The following C12orf42 variants were observed in gnomAD, a reference collection of about 807,000 sequenced individuals.
C12orf42 encodes the protein chromosome 12 open reading frame 42.
C12orf42 carries 25 observed loss-of-function variants against 21.6 expected under a neutral mutation model. That is an observed-to-expected ratio of 1.16 (90% CI 0.84 to 1.62). C12orf42 has a LOEUF of 1.62. Ranked by LOEUF, C12orf42 falls within the 40% of genes most tolerant of loss-of-function variation. C12orf42 has a pLI of 0.00. For synonymous variants in C12orf42, 174 were observed against 175.0 expected (o/e 0.99, Z 0.05); for missense variants, 483 against 459.3 (o/e 1.05, Z -0.47).
chr12:103,527,422 A>C, the C12orf42 span, among the ~76,000 whole-genome samples: 1 of 152,112 alleles, frequency 6.6e-6, no homozygotes, highest in African/African-American at 2.4e-5. Flanking sequence ...GGTCATGGAG[A>C]TGGACCCCTC....
intron 2 of C12orf42, among the ~76,000 whole-genome samples, chr12:103,453,919 T>C (rs183521931): frequency 6.6e-6 from 1 of 152,220 alleles, no homozygotes; most frequent in East Asian, 1.9e-4. Flanking sequence ...CATAAGCACT[T>C]AGAGGCAGGA....
chr12:103,356,876 GT>G (rs561648884), intron 4 of C12orf42, among the ~76,000 whole-genome samples: 1 of 151,466 alleles, frequency 6.6e-6, no homozygotes, highest in South Asian at 2.1e-4. Flanking sequence ...GGGGTTGTTT[GT>G]TTTTTTCTTG....
At chr12:103,289,659 T>C (rs1178201769) in intron 4 of C12orf42, among the ~76,000 whole-genome samples, 1 of 152,212 alleles carries the variant, frequency 6.6e-6, no homozygotes, top group Non-Finnish European at 1.5e-5. Flanking sequence ...TTTAAAATGC[T>C]AATGTAGATC....
At position 103,408,015 on chromosome 12, in the gene C12orf42, AC is replaced by A. The variant is rs577488747; in HGVS notation, c.79-6341del. 4.6e-5 allele frequency among the ~76,000 whole-genome samples: 7 copies of A among 151,986 alleles called. No individual in the cohort carries two copies. In the South Asian group the frequency reaches 1.2e-3, roughly 27 times the overall value. ...TTATCATCATCATAGTAACAATGGC[AC>A]CCCCCTCTTTGCAGATAAAGCCCCG... On this transcript the variant is annotated intron_variant, in intron 2 of 5. Transcript: ENST00000548883.
At chr12:103,348,858 A>T in intron 4 of C12orf42, among the ~76,000 whole-genome samples, 1 of 152,196 alleles carries the variant, frequency 6.6e-6, no homozygotes, top group Non-Finnish European at 1.5e-5. Flanking sequence ...CAAGGAAATT[A>T]AATGTCCAAT....
the C12orf42 span, among the ~76,000 whole-genome samples, chr12:103,165,942 A>C: frequency 2.0e-5 from 3 of 152,078 alleles, no homozygotes; most frequent in Non-Finnish European, 4.4e-5. Flanking sequence ...TCGGGAGGTG[A>C]GACAGGAGAA....
chr12:103,075,391 C>A, the C12orf42 span, among the ~76,000 whole-genome samples: 1 of 152,056 alleles, frequency 6.6e-6, no homozygotes. Context: ...GAGTTGGTTC[C>A]AAAAGCATTG....
the C12orf42 span, among the ~76,000 whole-genome samples, chr12:103,136,160 CA>C: frequency 6.6e-6 from 1 of 151,964 alleles, no homozygotes; most frequent in East Asian, 1.9e-4. Context: ...ACAGACTTCA[CA>C]AAAAAACCTC....
At chr12:103,362,576 C>G (rs2044214118) in intron 4 of C12orf42, among the ~76,000 whole-genome samples, 1 of 151,738 alleles carries the variant, frequency 6.6e-6, no homozygotes, top group Non-Finnish European at 1.5e-5. Context: ...AAGGTGAAGT[C>G]CAATTTAAGG....
the C12orf42 span, among the ~76,000 whole-genome samples, chr12:103,121,236 TCA>T: frequency 3.3e-5 from 5 of 152,180 alleles, no homozygotes; most frequent in African/African-American, 1.2e-4. Context: ...GTAAAAATAA[TCA>T]GTTATTGAAC....
At chr12:103,179,980 G>A in the C12orf42 span, among the ~76,000 whole-genome samples, 1 of 152,152 alleles carries the variant, frequency 6.6e-6, no homozygotes, top group Admixed American at 6.6e-5. Context: ...TGAAGGTGAA[G>A]GAGGAGAGGA....
intron 2 of C12orf42, among the ~76,000 whole-genome samples, chr12:103,409,506 G>A (rs1200944880): frequency 6.6e-6 from 1 of 152,098 alleles, no homozygotes. Context: ...GCAAGGGGGA[G>A]GACAGGAGAC....
At chr12:103,228,231 C>A in the C12orf42 span, among the ~76,000 whole-genome samples, 4 of 151,598 alleles carry the variant, frequency 2.6e-5, no homozygotes, top group African/African-American at 9.7e-5. Context: ...AGGGTGGGGC[C>A]ATTTTATAGG....
chr12:103,127,897 C>G, the C12orf42 span, among the ~76,000 whole-genome samples: 2 of 152,126 alleles, frequency 1.3e-5, no homozygotes, highest in Admixed American at 1.3e-4. Flanking sequence ...GAAAATAGCA[C>G]TAGATTATTT....
the C12orf42 span, among the ~76,000 whole-genome samples, chr12:103,554,862 C>A: frequency 6.6e-6 from 1 of 152,172 alleles, no homozygotes; most frequent in African/African-American, 2.4e-5. Flanking sequence ...CCATCTCCAA[C>A]ACTGGGAATT....
intron 5 of C12orf42, among the ~76,000 whole-genome samples, chr12:103,275,745 T>TTA (rs2035731957): frequency 6.6e-6 from 1 of 151,898 alleles, no homozygotes; most frequent in African/African-American, 2.4e-5. Flanking sequence ...GTAGGATTTT[T>TTA]TTTTTTTTTT....
downstream of C12orf42, among the ~76,000 whole-genome samples, chr12:103,233,133 A>G (rs929341820): frequency 6.6e-6 from 1 of 152,132 alleles, no homozygotes; most frequent in African/African-American, 2.4e-5. Context: ...TCGATTGACT[A>G]TATTTATGTG....
At chr12:103,136,509 A>G in the C12orf42 span, among the ~76,000 whole-genome samples, 4 of 152,174 alleles carry the variant, frequency 2.6e-5, no homozygotes, top group Non-Finnish European at 5.9e-5. Context: ...TACAAATATA[A>G]TTTTTCACAG....
chr12:103,510,466 T>C, the C12orf42 span, among the ~76,000 whole-genome samples: 3 of 152,040 alleles, frequency 2.0e-5, no homozygotes, highest in Non-Finnish European at 4.4e-5. Context: ...AAGAACTTAC[T>C]CATGTAACCA....
Sources: allele counts gnomAD v4.1 joint callset (sites outside exome capture counted in the v4.1 genomes callset), GRCh38; gene constraint gnomAD v4.1.1; transcripts MANE v1.5; gene names NCBI Gene and HGNC (gene_info 2026-07-23, HGNC 2026-07-21).